Variants in MIS18A observed in about 807,000 individuals in gnomAD.
MIS18A encodes MIS18 kinetochore protein A.
Under a neutral mutation model 25.0 loss-of-function variants are expected in MIS18A, and 14 were observed. The ratio of observed to expected loss-of-function variants is 0.56; its 90% confidence interval spans 0.37 to 0.88. The LOEUF (loss-of-function observed/expected upper bound fraction) is 0.88, where lower values mean the gene tolerates loss of function less well. Ranked by LOEUF, MIS18A falls within the 40% of genes least tolerant of loss-of-function variation. MIS18A has a pLI of 0.00. For synonymous variants in MIS18A, 134 were observed against 118.6 expected, an observed-to-expected ratio of 1.13 and a Z score of -0.84; for missense variants, 292 against 290.8, an observed-to-expected ratio of 1.00 and a Z score of -0.03.
At chr21:32,253,558 T>G in the MIS18A span, among the ~76,000 whole-genome samples, 3 of 152,184 alleles carry the variant, frequency 2.0e-5, no homozygotes, top group Non-Finnish European at 4.4e-5. Context: ...CACTCCATTT[T>G]CAGAGCAGGC....
chr21:32,230,763 T>A, the MIS18A span, among the ~76,000 whole-genome samples: 1 of 152,356 alleles, frequency 6.6e-6, no homozygotes, highest in East Asian at 1.9e-4. Flanking sequence ...GACCTACAAG[T>A]AAGAACCAAA....
the MIS18A span, among the ~76,000 whole-genome samples, chr21:32,155,257 C>T: frequency 6.6e-6 from 1 of 151,522 alleles, no homozygotes; most frequent in East Asian, 1.9e-4. Context: ...TTTTTTTGGA[C>T]CTCCTTTTTG....
At chr21:32,161,402 A>T in the MIS18A span, among the ~76,000 whole-genome samples, 348 of 152,270 alleles carry the variant, frequency 2.3e-3, 1 homozygote, top group East Asian at 0.015. Context: ...GTTTTTCTCA[A>T]ATCAGACTAG....
chr21:32,160,491 G>A, the MIS18A span, among the ~76,000 whole-genome samples: 1 of 152,206 alleles, frequency 6.6e-6, no homozygotes, highest in African/African-American at 2.4e-5. Flanking sequence ...ATGTGTCCAC[G>A]GTGGTCAGAG....
At chr21:32,239,454 T>A in the MIS18A span, among the ~76,000 whole-genome samples, 1 of 152,244 alleles carries the variant, frequency 6.6e-6, no homozygotes, top group Middle Eastern at 3.4e-3. Context: ...TGACAGAAAA[T>A]AAAATCCCAA....
chr21:32,221,849 G>T, the MIS18A span, among the ~76,000 whole-genome samples: 1 of 151,722 alleles, frequency 6.6e-6, no homozygotes, highest in Admixed American at 6.6e-5. Flanking sequence ...CCAAGATCAT[G>T]CCACTGCACT....
chr21:32,213,604 C>G, the MIS18A span, among the ~76,000 whole-genome samples: 1 of 152,172 alleles, frequency 6.6e-6, no homozygotes, highest in Non-Finnish European at 1.5e-5. Context: ...TTCTACCTTT[C>G]AACGTGTGGA....
At chr21:32,156,844 T>C in the MIS18A span, among the ~76,000 whole-genome samples, 44 of 152,190 alleles carry the variant, frequency 2.9e-4, no homozygotes, top group African/African-American at 1.0e-3. Flanking sequence ...AAATTGACCA[T>C]GACCCAGGTA....
the MIS18A span, among the ~76,000 whole-genome samples, chr21:32,237,062 C>A: frequency 6.6e-6 from 1 of 151,304 alleles, no homozygotes; most frequent in Admixed American, 6.6e-5. Context: ...CCCCCCACCC[C>A]CGCCCTGTAA....
chr21:32,193,222 C>T, the MIS18A span, among the ~76,000 whole-genome samples: 6 of 152,258 alleles, frequency 3.9e-5, 1 homozygote, highest in Middle Eastern at 0.02. Context: ...GCTCCTGATG[C>T]TGTTTCCCAG....
the MIS18A span, among the ~76,000 whole-genome samples, chr21:32,254,514 A>G: frequency 6.6e-6 from 1 of 152,140 alleles, no homozygotes; most frequent in Non-Finnish European, 1.5e-5. Flanking sequence ...CTGGACAAGA[A>G]GAGTGAAACT....
At chr21:32,214,994 C>A in the MIS18A span, among the ~76,000 whole-genome samples, 1 of 152,144 alleles carries the variant, frequency 6.6e-6, no homozygotes, top group African/African-American at 2.4e-5. Context: ...GCCAAGGGGA[C>A]AAACTCAGGA....
At chr21:32,249,304 C>T in the MIS18A span, among the ~76,000 whole-genome samples, 12 of 152,310 alleles carry the variant, frequency 7.9e-5, no homozygotes, top group Admixed American at 4.6e-4. Flanking sequence ...ACCCTCCATG[C>T]GGGGCCCTCA....
chr21:32,162,782 A>C, the MIS18A span, among the ~76,000 whole-genome samples: 1 of 152,236 alleles, frequency 6.6e-6, no homozygotes, highest in Admixed American at 6.5e-5. Flanking sequence ...TCTTCCAAGC[A>C]GGAACGTACA....
chr21:32,234,248 G>C, the MIS18A span, among the ~76,000 whole-genome samples: 1 of 152,188 alleles, frequency 6.6e-6, no homozygotes, highest in African/African-American at 2.4e-5. Flanking sequence ...AGAGAGACCA[G>C]AGGTGGTTGG....
chr21:32,156,250 G>T, the MIS18A span, among the ~76,000 whole-genome samples: 33 of 152,038 alleles, frequency 2.2e-4, no homozygotes, highest in Non-Finnish European at 4.1e-4. Context: ...CTGCTTATTA[G>T]GTAGCAAGAT....
chr21:32,242,218 C>G, the MIS18A span, among the ~76,000 whole-genome samples: 1 of 152,160 alleles, frequency 6.6e-6, no homozygotes, highest in Admixed American at 6.5e-5. Flanking sequence ...AGCCTGAGAG[C>G]GATTGAATTT....
At chr21:32,167,824 AG>A in the MIS18A span, among the ~76,000 whole-genome samples, 1 of 152,246 alleles carries the variant, frequency 6.6e-6, no homozygotes, top group Non-Finnish European at 1.5e-5. Context: ...CAAGGAAAAA[AG>A]TCTGTTTAAC....
chr21:32,263,659 T>C (rs2031546551), downstream of MIS18A, among the ~76,000 whole-genome samples: 1 of 152,144 alleles, frequency 6.6e-6, no homozygotes, highest in Non-Finnish European at 1.5e-5. Flanking sequence ...TGAGTTTCAT[T>C]TTAGACGTAC....
Sources: allele counts gnomAD v4.1 joint callset (sites outside exome capture counted in the v4.1 genomes callset), GRCh38; gene constraint gnomAD v4.1.1; transcripts MANE v1.5; gene names NCBI Gene and HGNC (gene_info 2026-07-23, HGNC 2026-07-21).